ALG9: variants seen among roughly 807,000 people sequenced by gnomAD.
The protein encoded by ALG9 is ALG9 alpha-1,2-mannosyltransferase.
ALG9 carries 55 observed loss-of-function variants against 81.8 expected under a neutral mutation model. The observed-to-expected ratio is 0.67, with a 90% confidence interval of 0.54 to 0.84. ALG9 has a LOEUF of 0.84. Ranked by LOEUF, ALG9 falls within the 40% of genes least tolerant of loss-of-function variation. The pLI is 0.00. For synonymous variants in ALG9, 278 were observed against 274.3 expected (o/e 1.01, Z -0.13); for missense variants, 629 against 745.0 (o/e 0.84, Z 1.81).
chr11:111,854,855 T>G (rs374769481), intron 6 of ALG9, among the ~76,000 whole-genome samples: 1 of 152,248 alleles, frequency 6.6e-6, no homozygotes, highest in East Asian at 1.9e-4. Flanking sequence ...TTCTAAAATA[T>G]CAGCAGTATC....
chr11:111,788,086 T>G (rs563789738), intron 14 of ALG9, among the ~76,000 whole-genome samples: 1 of 152,234 alleles, frequency 6.6e-6, no homozygotes, highest in Non-Finnish European at 1.5e-5. Flanking sequence ...AAATCAAAAG[T>G]TGGCCTAGTT....
intron 14 of ALG9, among the ~76,000 whole-genome samples, chr11:111,793,170 C>T (rs537392637): frequency 4.6e-5 from 7 of 151,992 alleles, no homozygotes; most frequent in East Asian, 1.9e-4. Context: ...TTTGCAGCGA[C>T]GGGGTCATAC....
At chr11:111,827,627 G>T (rs1050937623) in intron 13 of ALG9, among the ~76,000 whole-genome samples, 2 of 152,116 alleles carry the variant, frequency 1.3e-5, no homozygotes, top group South Asian at 4.1e-4. Flanking sequence ...AGCACTTTGG[G>T]AGGCCAAGGC....
intron 4 of ALG9, 135 bp downstream of exon 4, chr11:111,865,046 G>T: frequency 1.7e-6 from 1 of 589,540 alleles, no homozygotes; most frequent in Middle Eastern, 2.8e-4. Context: ...CAAAGTGCTG[G>T]GATTACAGGT....
chr11:111,777,859 G>C (rs1229776724), downstream of ALG9, among the ~76,000 whole-genome samples: 2 of 152,174 alleles, frequency 1.3e-5, no homozygotes, highest in African/African-American at 4.8e-5. Flanking sequence ...ACCAACTCCT[G>C]AATGGTACAT....
chr11:111,861,466 C>T (rs1332009831), intron 4 of ALG9, among the ~76,000 whole-genome samples: 1 of 152,152 alleles, frequency 6.6e-6, no homozygotes, highest in Non-Finnish European at 1.5e-5. Flanking sequence ...CGTTTCCTTT[C>T]TTCCCCTCCT....
In ALG9 at chr11:111,870,929, T is replaced by G; in HGVS notation, c.131+423A>C. The G allele has an allele frequency of 4.0e-6, 4 of 1,004,966 alleles. No homozygotes were observed. In the South Asian group the frequency reaches 1.4e-4, roughly 34 times the overall value. 62.3% of individuals were successfully genotyped at this position (1,004,966 alleles called of 1,614,324 possible). A position where few individuals can be genotyped will look rare whatever the true frequency, so the allele number is the denominator to read the frequency against. On this transcript the variant is annotated intron_variant, in intron 1 of 14. Transcript: ENST00000616540. ...TTCCATATGTTGACAGCTCCCTTAA[T>G]GCAGTTCTAACCTGCAGCCTCCAGG...
chr11:111,833,738 C>G (rs564551332), intron 13 of ALG9, among the ~76,000 whole-genome samples: 4 of 152,322 alleles, frequency 2.6e-5, no homozygotes, highest in Non-Finnish European at 5.9e-5. Flanking sequence ...CTTGTTTTTC[C>G]CTGCTTTTAT....
At chr11:111,809,892 C>G in intron 13 of ALG9, 119 bp from the exon 14 acceptor site, 1 of 1,184,060 alleles carries the variant, frequency 8.4e-7, no homozygotes, top group East Asian at 2.4e-5. Flanking sequence ...TCCAAGTCTT[C>G]AGACAATGTT....
chr11:111,870,957 T>G (rs1964123830), intron 1 of ALG9: 3 of 1,012,424 alleles, frequency 3.0e-6, no homozygotes, highest in Non-Finnish European at 2.4e-6. Context: ...CCTCCAGGGT[T>G]TGGGAAGAGG....
At chr11:111,826,344 C>G (rs1164246007) in intron 13 of ALG9, among the ~76,000 whole-genome samples, 2 of 150,464 alleles carry the variant, frequency 1.3e-5, no homozygotes, top group Non-Finnish European at 3.0e-5. Context: ...TGTGACTGTA[C>G]CACTGCACTC....
At chr11:111,781,576 T>C (rs73568439), downstream of ALG9, among the ~76,000 whole-genome samples, 802 of 152,336 alleles carry the variant, frequency 5.3e-3, 9 homozygotes, top group African/African-American at 0.019. Context: ...AAACTTAAGA[T>C]GGATCCAGGA....
At chr11:111,799,479 C>CAAA (rs1948787789) in intron 14 of ALG9, among the ~76,000 whole-genome samples, 1 of 145,170 alleles carries the variant, frequency 6.9e-6, no homozygotes, top group South Asian at 2.2e-4. Flanking sequence ...AACAAACAAA[C>CAAA]ATGCTGGTAC....
chr11:111,794,225 C>T (rs1222241029), intron 14 of ALG9, among the ~76,000 whole-genome samples: 1 of 152,134 alleles, frequency 6.6e-6, no homozygotes, highest in African/African-American at 2.4e-5. Context: ...GTTCAGCAGG[C>T]ACAAATGGAA....
At chr11:111,861,759 C>T (rs761543165) in intron 4 of ALG9, among the ~76,000 whole-genome samples, 105 of 152,174 alleles carry the variant, frequency 6.9e-4, no homozygotes, top group Non-Finnish European at 1.4e-3. Context: ...ACTGGGATTA[C>T]AGGCTTCTTC....
intron 8 of ALG9, among the ~76,000 whole-genome samples, chr11:111,846,083 G>A (rs868924294): frequency 3.3e-5 from 5 of 152,098 alleles, no homozygotes; most frequent in South Asian, 2.1e-4. Context: ...GAAAACTAAC[G>A]GATGGTTTTA....
chr11:111,816,978 A>G (rs1351382495), intron 13 of ALG9, among the ~76,000 whole-genome samples: 1 of 152,232 alleles, frequency 6.6e-6, no homozygotes, highest in Non-Finnish European at 1.5e-5. Context: ...AGGCTACAGT[A>G]GTTGAAAAGA....
chr11:111,853,685 G>A lies in ALG9; in HGVS notation c.753C>T (p.Phe251=), dbSNP rs1555141011. ...LLVMKHRWKS[F]FHWSLMALIL... ...TGAGGGCCATCAGCGACCAATGAAA[G>A]AAACTCTTCCACCTGTGTTTCATGA... Residue 251 remains phenylalanine (F), a synonymous_variant, in exon 7 of 15, where the codon TTC becomes TTT. Transcript: ENST00000616540. The A allele has an allele frequency of 6.2e-7, 1 of 1,614,020 alleles. No individual in the cohort carries two copies. Among genetic ancestry groups the A allele is most frequent in the African/African-American group, 1.3e-5 (1 of 74,918 alleles).
chr11:111,772,075 T>C, the ALG9 span, among the ~76,000 whole-genome samples: 1 of 152,202 alleles, frequency 6.6e-6, no homozygotes, highest in Non-Finnish European at 1.5e-5. Flanking sequence ...AACAAAGGTA[T>C]TGGATTTCCA....
Sources: allele counts gnomAD v4.1 joint callset (sites outside exome capture counted in the v4.1 genomes callset), GRCh38; gene constraint gnomAD v4.1.1; transcripts MANE v1.5; gene names NCBI Gene and HGNC (gene_info 2026-07-23, HGNC 2026-07-21).